SDK1: variants seen among roughly 807,000 people sequenced by gnomAD.
The protein encoded by SDK1 is sidekick cell adhesion molecule 1.
A neutral mutation model predicts 245.5 loss-of-function variants in SDK1; 157 were observed. The observed-to-expected ratio is 0.64, with a 90% confidence interval of 0.56 to 0.73. The LOEUF (loss-of-function observed/expected upper bound fraction) is 0.73, where lower values mean the gene tolerates loss of function less well. Ranked by LOEUF, SDK1 falls within the 30% of genes least tolerant of loss-of-function variation. SDK1 has a pLI of 0.00. For synonymous variants in SDK1, 1,647 were observed against 1,278.5 expected, an observed-to-expected ratio of 1.29 and a Z score of -6.15; for missense variants, 3,583 against 3,002.3, an observed-to-expected ratio of 1.19 and a Z score of -4.52.
intron 22 of SDK1, among the ~76,000 whole-genome samples, chr7:4,096,486 G>C (rs571607010): frequency 1.3e-5 from 2 of 152,246 alleles, no homozygotes; most frequent in East Asian, 3.9e-4. Flanking sequence ...CAACTATACC[G>C]GGATGGGTCG....
At chr7:3,960,595 C>G (rs1781598400) in intron 8 of SDK1, among the ~76,000 whole-genome samples, 1 of 152,212 alleles carries the variant, frequency 6.6e-6, no homozygotes, top group East Asian at 1.9e-4. Context: ...CCCTCCCGAC[C>G]CACCGTGCTT....
At chr7:3,626,075 C>T (rs1562612471) in intron 2 of SDK1, among the ~76,000 whole-genome samples, 1 of 151,238 alleles carries the variant, frequency 6.6e-6, no homozygotes, top group Non-Finnish European at 1.5e-5. Flanking sequence ...TCCCTAGTAG[C>T]TGGGATCACA....
At chr7:3,608,880 A>G (rs1029158181) in intron 1 of SDK1, among the ~76,000 whole-genome samples, 1 of 152,218 alleles carries the variant, frequency 6.6e-6, no homozygotes, top group African/African-American at 2.4e-5. Context: ...AAAGGCAATT[A>G]AAATACTCCC....
At chr7:3,927,582 A>G (rs1293582642) in intron 5 of SDK1, among the ~76,000 whole-genome samples, 2 of 152,176 alleles carry the variant, frequency 1.3e-5, no homozygotes, top group South Asian at 2.1e-4. Flanking sequence ...CTCCCGTGAC[A>G]CTGTCATTTC....
chr7:4,078,201 C>G (rs74726431), intron 21 of SDK1, among the ~76,000 whole-genome samples: 2 of 152,086 alleles, frequency 1.3e-5, no homozygotes, highest in Admixed American at 6.5e-5. Flanking sequence ...CAAGGCTGAA[C>G]GCTTGTAGCT....
chr7:3,563,449 TTAAA>T (rs1197581349), intron 1 of SDK1, among the ~76,000 whole-genome samples: 3 of 152,164 alleles, frequency 2.0e-5, no homozygotes, highest in African/African-American at 7.2e-5. Context: ...CAGTGGTAAC[TTAAA>T]TATATTATTA....
At chr7:3,927,737 G>A (rs548073262) in intron 5 of SDK1, among the ~76,000 whole-genome samples, 1 of 152,220 alleles carries the variant, frequency 6.6e-6, no homozygotes, top group East Asian at 1.9e-4. Flanking sequence ...CTGCTCAGAA[G>A]TAAAAATAAT....
At position 4,174,333 on chromosome 7, in the gene SDK1, A is replaced by G. The variant is rs143929081; in HGVS notation, c.4912A>G (p.Ile1638Val). ...GTEAKTLKNP[I>V]ALHAELTAQS... ...TGAGGCCAAGACGCTCAAAAACCCTATAGCTTTACATGCTGAGCTCACAGG... is the reference window on the plus strand; with the variant it reads ...TGAGGCCAAGACGCTCAAAAACCCTGTAGCTTTACATGCTGAGCTCACAGG... The change falls in exon 33 of 45, where the codon ATA (isoleucine) becomes GTA (valine). Residue 1638 changes from isoleucine to valine, a missense_variant. Transcript: ENST00000404826. 2.1e-4 allele frequency: 331 copies of G among 1,613,886 alleles called. 1 individual carries two copies. In the Middle Eastern group the frequency reaches 2.3e-3, roughly 11 times the overall value.
At chr7:4,159,318 G>C (rs1332868848) in intron 31 of SDK1, among the ~76,000 whole-genome samples, 1 of 152,192 alleles carries the variant, frequency 6.6e-6, no homozygotes, top group African/African-American at 2.4e-5. Flanking sequence ...TGGAAGTGTG[G>C]TTTCTCCCAC....
intron 5 of SDK1, among the ~76,000 whole-genome samples, chr7:3,846,622 C>G (rs41871): frequency 6.6e-6 from 1 of 152,050 alleles, no homozygotes; most frequent in Non-Finnish European, 1.5e-5. Context: ...TTATTTACCT[C>G]CCTCCTGTCC....
At chr7:3,909,791 A>C (rs1415913641) in intron 5 of SDK1, among the ~76,000 whole-genome samples, 1 of 152,240 alleles carries the variant, frequency 6.6e-6, no homozygotes, top group African/African-American at 2.4e-5. Flanking sequence ...CTTTTTGCAT[A>C]GCGTGCTTGC....
At chr7:3,716,474 G>A (rs973716368) in intron 4 of SDK1, among the ~76,000 whole-genome samples, 3 of 152,212 alleles carry the variant, frequency 2.0e-5, no homozygotes, top group South Asian at 2.1e-4. Flanking sequence ...GGGAGGCCAC[G>A]TGTTATCACG....
chr7:4,175,673 C>G (rs1584371759), intron 33 of SDK1, 102 bp from the exon 34 acceptor site: 1 of 965,918 alleles, frequency 1.0e-6, no homozygotes. Flanking sequence ...AAGTGGCTGG[C>G]ATCCCAGTAA....
At chr7:3,514,303 A>T (rs73035931) in intron 1 of SDK1, among the ~76,000 whole-genome samples, 13,926 of 152,264 alleles carry the variant, frequency 0.091, 875 homozygotes, top group African/African-American at 0.17. Context: ...GTGTGTCTTT[A>T]TGTGTGAATT....
chr7:3,440,180 T>C (rs191327362), intron 1 of SDK1, among the ~76,000 whole-genome samples: 1 of 152,306 alleles, frequency 6.6e-6, no homozygotes, highest in East Asian at 1.9e-4. Flanking sequence ...GCACCATCCC[T>C]TGTGCCCTGT....
At chr7:4,091,470 G>A (rs1278683750) in intron 22 of SDK1, among the ~76,000 whole-genome samples, 4 of 151,082 alleles carry the variant, frequency 2.6e-5, no homozygotes, top group African/African-American at 9.8e-5. Context: ...AGCTTCCTGA[G>A]TAACTGGGAT....
intron 5 of SDK1, among the ~76,000 whole-genome samples, chr7:3,924,509 C>A (rs1383945319): frequency 6.6e-6 from 1 of 152,178 alleles, no homozygotes; most frequent in East Asian, 1.9e-4. Flanking sequence ...CATGCACATT[C>A]ACTGTCAGAC....
chr7:3,506,463 A>G (rs1411413023), intron 1 of SDK1, among the ~76,000 whole-genome samples: 2 of 152,124 alleles, frequency 1.3e-5, no homozygotes, highest in African/African-American at 2.4e-5. Context: ...TCTTTTAAAT[A>G]TATGGTTTCA....
At chr7:3,456,696 T>C (rs1393844453) in intron 1 of SDK1, among the ~76,000 whole-genome samples, 1 of 152,208 alleles carries the variant, frequency 6.6e-6, no homozygotes, top group Admixed American at 6.5e-5. Flanking sequence ...ATGTCTCTTC[T>C]TGGTGCTGGC....
Sources: gnomAD v4.1 joint callset for allele counts (sites outside exome capture counted in the v4.1 genomes callset) on GRCh38, gnomAD v4.1.1 for gene constraint, MANE v1.5 for transcripts, NCBI Gene and HGNC (gene_info 2026-07-23, HGNC 2026-07-21) for gene names.